The following HOGA1 variants were observed in gnomAD, a reference collection of about 807,000 sequenced individuals.
The protein encoded by HOGA1 is 4-hydroxy-2-oxoglutarate aldolase 1.
In HOGA1, 30 loss-of-function variants were observed where a neutral mutation model predicts 34.3. That is an observed-to-expected ratio of 0.87 (90% CI 0.65 to 1.19). The LOEUF (loss-of-function observed/expected upper bound fraction) is 1.19, where lower values mean the gene tolerates loss of function less well. Among genes scored for constraint, HOGA1 ranks in the 50% most tolerant of loss-of-function variants. HOGA1 has a pLI of 0.00. For synonymous variants in HOGA1, 161 were observed against 174.0 expected, an observed-to-expected ratio of 0.93 and a Z score of 0.59; for missense variants, 417 against 436.5, an observed-to-expected ratio of 0.96 and a Z score of 0.40.
At chr10:97,594,713 A>G (rs991106158) in intron 1 of HOGA1, among the ~76,000 whole-genome samples, 2 of 151,500 alleles carry the variant, frequency 1.3e-5, no homozygotes, top group Non-Finnish European at 2.9e-5. Context: ...CTGGTCTCGA[A>G]CTCCTGGCCT....
In HOGA1 at chr10:97,584,699, C is replaced by T; in HGVS notation, c.-5C>T. 1 of 1,608,494 alleles carries T rather than the reference C, an allele frequency of 6.2e-7. No homozygotes were observed. ...GACCAATTGTGCTTCAGGCCTCCTG[C>T]AGAGATGCTGGGTCCCCAAGTCTGG... On this transcript the variant is annotated 5_prime_UTR_variant, in exon 1 of 7. Transcript: ENST00000370646.
chr10:97,597,448 A>C (rs904181068), intron 1 of HOGA1, among the ~76,000 whole-genome samples: 4 of 152,112 alleles, frequency 2.6e-5, no homozygotes, highest in South Asian at 2.1e-4. Flanking sequence ...GAGAAAGTTA[A>C]GCGGGCTGGG....
chr10:97,589,678 G>T, intron 1 of HOGA1: 1 of 552,902 alleles, frequency 1.8e-6, no homozygotes, highest in Non-Finnish European at 3.2e-6. Flanking sequence ...TGTTGAGGTG[G>T]TGGGGGGCAC....
At chr10:97,587,076 C>G (rs2040976725) in intron 1 of HOGA1, among the ~76,000 whole-genome samples, 1 of 152,210 alleles carries the variant, frequency 6.6e-6, no homozygotes, top group South Asian at 2.1e-4. Flanking sequence ...TCCCAAGGCA[C>G]TGTCACAGAA....
rs1314826507 is a variant in HOGA1 at position 97,603,918 on chromosome 10, G to C, written c.834+1928G>C. Among the ~76,000 whole-genome samples the C allele has an allele frequency of 6.6e-6, 1 of 152,158 alleles. No individual in the cohort carries two copies. Among genetic ancestry groups the C allele is most frequent in the African/African-American group, 2.4e-5 (1 of 41,430 alleles). On this transcript the variant is annotated intron_variant, in intron 6 of 6. Coordinates refer to ENST00000370646, the MANE Select transcript of HOGA1 (RefSeq NM_138413.4). The surrounding 1 kb of genome is among the most constrained non-coding windows in gnomAD (Gnocchi z 4.5). ...ATGCAACTTTAAGAACTAATACAAA[G>C]GGATCCCATGTACCCATGAGCCAGT...
chr10:97,591,441 AATTTT>A (rs1352046220), intron 1 of HOGA1, among the ~76,000 whole-genome samples: 2 of 152,044 alleles, frequency 1.3e-5, no homozygotes, highest in African/African-American at 2.4e-5. Context: ...AATTTAATTT[AATTTT>A]AAGTTCTGAG....
At chr10:97,600,536 C>G in intron 5 of HOGA1, 2 of 352,768 alleles carry the variant, frequency 5.7e-6, no homozygotes. Context: ...AGTCCATTTT[C>G]CTCTCCCCTG....
At position 97,584,597 on chromosome 10, in the gene HOGA1, G is replaced by A. The variant is rs2040951318; in HGVS notation, c.-107G>A. 15 of 1,122,364 alleles carry A rather than the reference G, an allele frequency of 1.3e-5. No individual in the cohort carries two copies. Among genetic ancestry groups the A allele is most frequent in the South Asian group, 3.0e-5 (2 of 67,336 alleles). The allele number at this position is 1,122,364 out of a possible 1,614,324, so 69.5% of individuals were successfully genotyped here. A position where few individuals can be genotyped will look rare whatever the true frequency, so the allele number is the denominator to read the frequency against. On this transcript the variant is annotated 5_prime_UTR_variant, in exon 1 of 7. Coordinates refer to ENST00000370646, the MANE Select transcript of HOGA1 (RefSeq NM_138413.4). The stretch of plus-strand genomic sequence containing the variant: ...CCAGTGGCCACAAGTCAGGGAGGCC[G>A]CAAATTTTTAACTAGAAACATTGAT...
At position 97,611,709 on chromosome 10, in the gene HOGA1, T is replaced by C; in HGVS notation, c.*50T>C. The C allele has an allele frequency of 6.3e-7, 1 of 1,584,436 alleles. No individual in the cohort carries two copies. Among genetic ancestry groups the C allele is most frequent in the South Asian group, 1.1e-5 (1 of 88,846 alleles). On this transcript the variant is annotated 3_prime_UTR_variant, in exon 7 of 7. Transcript: ENST00000370646. ...CTGAGCCCATCTCAGCCTCCTGCCT[T>C]GCACTTGCAGCCTGAAGCGGAGAGC...
chr10:97,591,585 C>A (rs918532930), intron 1 of HOGA1, among the ~76,000 whole-genome samples: 5 of 151,892 alleles, frequency 3.3e-5, no homozygotes, highest in African/African-American at 1.2e-4. Context: ...ACCTGATCAT[C>A]TTGGGTTCTT....
Position 97,584,569 on chromosome 10 carries a change from G to A in HOGA1, c.-135G>A. The A allele has an allele frequency of 1.3e-6, 1 of 775,324 alleles. No individual in the cohort carries two copies. The highest frequency in any genetic ancestry group is 1.7e-5 in the African/African-American group (1 of 58,004). 48.0% of individuals were successfully genotyped at this position (775,324 alleles called of 1,614,324 possible). On this transcript the variant is annotated 5_prime_UTR_variant, in exon 1 of 7. Coordinates refer to ENST00000370646, the MANE Select transcript of HOGA1 (RefSeq NM_138413.4). ...CCCTGGGAACACCCAGCTCAGGCCT[G>A]CCCCAGTGGCCACAAGTCAGGGAGG...
At chr10:97,606,128 C>CA (rs60230634) in intron 6 of HOGA1, among the ~76,000 whole-genome samples, 52,980 of 95,362 alleles carry the variant, frequency 0.56, 15,039 homozygotes, top group Middle Eastern at 0.69. Flanking sequence ...ACTAAAAATA[C>CA]AAAAAAAAAA....
chr10:97,587,954 G>A (rs1026700821), intron 1 of HOGA1, among the ~76,000 whole-genome samples: 2 of 151,648 alleles, frequency 1.3e-5, no homozygotes, highest in African/African-American at 2.4e-5. Context: ...GGGACCAAAG[G>A]TGCACACCAC....
rs2041199036 is a variant in HOGA1 at position 97,611,862 on chromosome 10, CT to C, written c.*207del. ...TATTCTAACGGCCCCTGACCTCTCC[CT>C]TTTGGATCCTAAACTGTGTCTCTGG... On this transcript the variant is annotated 3_prime_UTR_variant, in exon 7 of 7. Coordinates refer to ENST00000370646, the MANE Select transcript of HOGA1 (RefSeq NM_138413.4). 2 of 599,794 alleles carry C rather than the reference CT, an allele frequency of 3.3e-6. No homozygotes were observed. Among genetic ancestry groups the C allele is most frequent in the Non-Finnish European group, 5.9e-6 (2 of 339,240 alleles). 37.2% of individuals were successfully genotyped at this position (599,794 alleles called of 1,614,324 possible).
In HOGA1 at chr10:97,603,700, T is replaced by C. The variant is rs2041137606; in HGVS notation, c.834+1710T>C. ...GCCTCAGCCTCCCAAGTAGCTGGGA[T>C]TACAGATGCCTGCCACCACACCCGG... On this transcript the variant is annotated intron_variant, in intron 6 of 6. Transcript: ENST00000370646. The surrounding 1 kb of genome is among the most constrained non-coding windows in gnomAD (Gnocchi z 4.5). 6.6e-6 allele frequency among the ~76,000 whole-genome samples: 1 copy of C among 151,920 alleles called. No individual in the cohort carries two copies. The highest frequency in any genetic ancestry group is 2.1e-4 in the South Asian group (1 of 4,812).
At chr10:97,606,497 T>TGGTGAAAAGGCCATCTTTC (rs1319121211) in intron 6 of HOGA1, among the ~76,000 whole-genome samples, 3 of 152,204 alleles carry the variant, frequency 2.0e-5, no homozygotes, top group African/African-American at 7.2e-5. Flanking sequence ...TAGCATCTTT[T>TGGTGAAAAGGCCATCTTTC]GCTGAAAAGG....
At position 97,611,857 on chromosome 10, in the gene HOGA1, T is replaced by C. The variant is rs1200895565; in HGVS notation, c.*198T>C. ...TCTCCTATTCTAACGGCCCCTGACCTCTCCCTTTTGGATCCTAAACTGTGT... is the reference window on the plus strand; with the variant it reads ...TCTCCTATTCTAACGGCCCCTGACCCCTCCCTTTTGGATCCTAAACTGTGT... On this transcript the variant is annotated 3_prime_UTR_variant, in exon 7 of 7. Coordinates refer to ENST00000370646, the MANE Select transcript of HOGA1 (RefSeq NM_138413.4). 3 of 608,968 alleles carry C rather than the reference T, an allele frequency of 4.9e-6. No individual in the cohort carries two copies. In the African/African-American group the frequency reaches 5.5e-5, roughly 11 times the overall value. The allele number at this position is 608,968 out of a possible 1,614,324, so 37.7% of individuals were successfully genotyped here.
chr10:97,590,178 T>A, intron 1 of HOGA1: 1 of 1,613,924 alleles, frequency 6.2e-7, no homozygotes, highest in Non-Finnish European at 8.5e-7. Context: ...CGGGAATCCT[T>A]CACCAGCAGG....
rs186253545 is a variant in HOGA1, at chr10:97,586,112, G to A, written c.211+1198G>A. On this transcript the variant is annotated intron_variant, in intron 1 of 6. Coordinates refer to ENST00000370646, the MANE Select transcript of HOGA1 (RefSeq NM_138413.4). ...AGATCATACCATTGCACTCTAGCCC[G>A]GGCGACAGAGCAAGACTCCATCTCA... 1.0e-3 allele frequency among the ~76,000 whole-genome samples: 154 copies of A among 148,784 alleles called. 1 individual carries two copies. The highest frequency in any genetic ancestry group is 3.7e-3 in the African/African-American group (150 of 40,292).
Sources: allele counts gnomAD v4.1 joint callset (sites outside exome capture counted in the v4.1 genomes callset), GRCh38; gene constraint gnomAD v4.1.1; non-coding constraint Gnocchi (gnomAD v3.1); transcripts MANE v1.5; gene names NCBI Gene and HGNC (gene_info 2026-07-23, HGNC 2026-07-21).